TTI2: variants seen among roughly 807,000 people sequenced by gnomAD.
TTI2 encodes TELO2-interacting protein 2.
A neutral mutation model predicts 44.9 loss-of-function variants in TTI2; 26 were observed. The observed-to-expected ratio is 0.58, with a 90% CI of 0.42 to 0.80. The LOEUF is 0.80. Among genes scored for constraint, TTI2 ranks in the 30% least tolerant of loss-of-function variants. TTI2 has a pLI of 0.00. For synonymous variants in TTI2, 254 were observed against 250.9 expected, an observed-to-expected ratio of 1.01 and a Z score of -0.12; for missense variants, 582 against 611.6, an observed-to-expected ratio of 0.95 and a Z score of 0.51.
intron 3 of TTI2, among the ~76,000 whole-genome samples, chr8:33,508,419 T>C (rs972943426): frequency 6.6e-6 from 1 of 151,814 alleles, no homozygotes; most frequent in African/African-American, 2.4e-5. Context: ...CTGGCCAACA[T>C]GGTGAGACCC....
chr8:33,509,309 T>C (rs1283831978), intron 3 of TTI2, among the ~76,000 whole-genome samples: 1 of 149,694 alleles, frequency 6.7e-6, no homozygotes, highest in Non-Finnish European at 1.5e-5. Flanking sequence ...ATACAAAAAT[T>C]AGTTGGGCAT....
rs1041136670 is a variant in TTI2, at chr8:33,498,772, C to T, written c.*401G>A. The T allele has an allele frequency of 3.5e-5, 26 of 734,688 alleles. No homozygotes were observed. The highest frequency in any genetic ancestry group is 6.0e-5 in the Admixed American group (2 of 33,542). The allele number at this position is 734,688 out of a possible 1,614,324, so 45.5% of individuals were successfully genotyped here. ...ATTTGTGTTTTTATTATTTATGCCA[C>T]GTCAGTGGGGCAAGAAATCTGGAGT... On this transcript the variant is annotated 3_prime_UTR_variant, in exon 8 of 8. Transcript: ENST00000431156.
chr8:33,509,370 T>G (rs568137707), intron 3 of TTI2, among the ~76,000 whole-genome samples: 2 of 148,748 alleles, frequency 1.3e-5, no homozygotes, highest in East Asian at 4.0e-4. Context: ...GGCGGAGAAT[T>G]GCTTAAACCT....
intron 4 of TTI2, among the ~76,000 whole-genome samples, chr8:33,505,239 A>T (rs1465299074): frequency 6.6e-6 from 1 of 152,132 alleles, no homozygotes; most frequent in Non-Finnish European, 1.5e-5. Context: ...TAAATTAAAT[A>T]AAATAAAAAT....
chr8:33,511,290 G>A (rs1809517916), intron 2 of TTI2, among the ~76,000 whole-genome samples: 1 of 151,870 alleles, frequency 6.6e-6, no homozygotes, highest in Non-Finnish European at 1.5e-5. Context: ...TGATCCACCC[G>A]CCTCGGCCTC....
chr8:33,508,971 A>C lies in TTI2; in HGVS notation c.834+775T>G, dbSNP rs80088761. On this transcript the variant is annotated intron_variant, in intron 3 of 7. Coordinates refer to ENST00000431156, the MANE Select transcript of TTI2 (RefSeq NM_001102401.4). ...GACGTGGCCAATATGGTGAAACCCCATTTCCACTAAAAATACAAAAATTAG... is the reference window on the plus strand; with the variant it reads ...GACGTGGCCAATATGGTGAAACCCCCTTTCCACTAAAAATACAAAAATTAG... 2.4e-3 allele frequency among the ~76,000 whole-genome samples: 357 copies of C among 151,714 alleles called. 1 individual carries two copies. The highest frequency in any genetic ancestry group is 7.7e-3 in the African/African-American group (317 of 41,370).
chr8:33,500,090 C>T, intron 7 of TTI2: 1 of 466,782 alleles, frequency 2.1e-6, no homozygotes, highest in South Asian at 2.6e-5. Flanking sequence ...CGTCCTTAGC[C>T]CCAGTGACAT....
At chr8:33,503,336 AC>A in intron 6 of TTI2, 92 bp downstream of exon 6, 1 of 1,525,878 alleles carries the variant, frequency 6.6e-7, no homozygotes. Flanking sequence ...TACATAGTAT[AC>A]ATTTAATACT....
chr8:33,503,140 A>AC (rs34056749), intron 6 of TTI2, among the ~76,000 whole-genome samples: 78,739 of 145,558 alleles, frequency 0.54, 21,743 homozygotes, highest in Non-Finnish European at 0.59. Context: ...AAAAAAAAAA[A>AC]AAAAAAAACA....
At chr8:33,510,856 G>C (rs940063397) in intron 2 of TTI2, among the ~76,000 whole-genome samples, 1 of 152,148 alleles carries the variant, frequency 6.6e-6, no homozygotes, top group African/African-American at 2.4e-5. Context: ...AAAGTAGCAA[G>C]TGGAAACTCA....
chr8:33,507,396 G>C, intron 3 of TTI2, 75 bp from the exon 4 acceptor site: 14 of 1,315,176 alleles, frequency 1.1e-5, no homozygotes, highest in Non-Finnish European at 1.5e-5. Flanking sequence ...TTTGAAATTG[G>C]ATTATGGGTA....
At position 33,498,802 on chromosome 8, in the gene TTI2, G is replaced by A. The variant is rs1808946360; in HGVS notation, c.*371C>T. ...GTGGGGCAAGAAATCTGGAGTGAGT[G>A]AAGAAAGCTAAGTTGTGAACAAGAG... On this transcript the variant is annotated 3_prime_UTR_variant, in exon 8 of 8. Transcript: ENST00000431156. The A allele has an allele frequency of 4.7e-6, 3 of 643,262 alleles. No individual in the cohort carries two copies. The Admixed American group carries it at 9.0e-5, about 19-fold the overall frequency. The allele number at this position is 643,262 out of a possible 1,614,324, so 39.8% of individuals were successfully genotyped here.
At chr8:33,501,022 C>T (rs1809056965) in intron 6 of TTI2, 1 of 156,058 alleles carries the variant, frequency 6.4e-6, no homozygotes, top group African/African-American at 2.4e-5. Flanking sequence ...AACTATTAAC[C>T]TTTCTAAAAG....
chr8:33,509,920 C>T lies in TTI2; in HGVS notation c.660G>A (p.Lys220=). Reference sequence around the variant, plus strand: ...AAACATGTTTGATGGCAGGGTTATTCTTCCAGGATTCCCTAAGTGAATACA... The same window carrying T: ...AAACATGTTTGATGGCAGGGTTATTTTTCCAGGATTCCCTAAGTGAATACA... ...LKPDLYKESW[K]NNPAIKHVFS... The change falls in exon 3 of 8, where the codon AAG becomes AAA. Residue 220 remains lysine, a synonymous_variant. Coordinates refer to ENST00000431156, the MANE Select transcript of TTI2 (RefSeq NM_001102401.4). 1.3e-6 allele frequency: 2 copies of T among 1,506,044 alleles called. No homozygotes were observed. Among genetic ancestry groups the T allele is most frequent in the Non-Finnish European group, 1.8e-6 (2 of 1,117,412 alleles). The allele number at this position is 1,506,044 out of a possible 1,614,324, so 93.3% of individuals were successfully genotyped here. A position where few individuals can be genotyped will look rare whatever the true frequency, so the allele number is the denominator to read the frequency against.
chr8:33,506,778 C>T (rs767433119), intron 4 of TTI2, among the ~76,000 whole-genome samples: 5 of 151,948 alleles, frequency 3.3e-5, no homozygotes, highest in Non-Finnish European at 7.4e-5. Flanking sequence ...CTGCAACCTC[C>T]GCCACCCGGG....
rs1563355171 is a variant in TTI2, at chr8:33,509,835, G to C, written c.745C>G (p.Leu249Val). ...TCTGAAATGACCAATGATGCGGGAA[G>C]TACCCTTTCCAGATGCTGGCTCAGC... ...PWLSQHLERV[L>V]PASLVISDDY... Residue 249 changes from leucine (L) to valine (V), a missense_variant, in exon 3 of 8, where the codon CTT (leucine) becomes GTT (valine). By Grantham distance (32) the Leu-to-Val change is conservative. Transcript: ENST00000431156. 6.2e-7 allele frequency: 1 copy of C among 1,614,124 alleles called. No individual in the cohort carries two copies. Among genetic ancestry groups the C allele is most frequent in the Non-Finnish European group, 8.5e-7 (1 of 1,180,018 alleles).
chr8:33,507,112 A>G (rs1809326081), intron 4 of TTI2, 117 bp downstream of exon 4: 1 of 908,392 alleles, frequency 1.1e-6, no homozygotes, highest in Non-Finnish European at 1.8e-6. Context: ...GCTTTTAGTT[A>G]TCATCCTCAC....
intron 2 of TTI2, 146 bp from the exon 3 acceptor site, chr8:33,510,078 A>G (rs569423623): frequency 4.3e-6 from 3 of 695,026 alleles, no homozygotes; most frequent in East Asian, 2.7e-5. Flanking sequence ...TTGATTCTAT[A>G]TCATACATTC....
At chr8:33,504,841 A>C (rs1254811153) in intron 4 of TTI2, among the ~76,000 whole-genome samples, 1 of 152,126 alleles carries the variant, frequency 6.6e-6, no homozygotes. Flanking sequence ...TGGTTTTCTA[A>C]AATTTATTTT....
Sources: gnomAD v4.1 joint callset for allele counts (sites outside exome capture counted in the v4.1 genomes callset) on GRCh38, gnomAD v4.1.1 for gene constraint, MANE v1.5 for transcripts, NCBI Gene and HGNC (gene_info 2026-07-23, HGNC 2026-07-21) for gene names.